Variants in NTN4 observed in about 807,000 individuals in gnomAD.
NTN4 encodes the protein netrin 4.
Under a neutral mutation model 73.6 loss-of-function variants are expected in NTN4, and 32 were observed. The ratio of observed to expected loss-of-function variants is 0.44; its 90% CI spans 0.33 to 0.58. NTN4 has a LOEUF of 0.58. Among genes scored for constraint, NTN4 ranks in the 20% least tolerant of loss-of-function variants. The pLI, the probability that NTN4 is intolerant of heterozygous loss-of-function variation, is 0.04. For missense variants in NTN4, 654 were observed against 798.3 expected (o/e 0.82, Z 2.18); for synonymous variants, 258 against 287.5 (o/e 0.90, Z 1.04).
At chr12:95,735,892 AT>A (rs999701125) in intron 3 of NTN4, among the ~76,000 whole-genome samples, 7 of 148,130 alleles carry the variant, frequency 4.7e-5, no homozygotes, top group African/African-American at 1.5e-4. Context: ...CCTGCTCATG[AT>A]TTTTTTTAAA....
chr12:95,769,751 CTTT>C (rs34093723), intron 2 of NTN4, among the ~76,000 whole-genome samples: 34 of 117,108 alleles, frequency 2.9e-4, no homozygotes, highest in East Asian at 1.7e-3. Context: ...AGGTTTCAAT[CTTT>C]TTTTTTTTTT....
intron 7 of NTN4, among the ~76,000 whole-genome samples, chr12:95,680,091 T>A (rs2078304504): frequency 6.6e-6 from 1 of 152,216 alleles, no homozygotes; most frequent in South Asian, 2.1e-4. Context: ...TTATTCCCTG[T>A]CCCTGCATTA....
chr12:95,719,008 C>A (rs940914409), intron 3 of NTN4, among the ~76,000 whole-genome samples: 3 of 152,146 alleles, frequency 2.0e-5, no homozygotes, highest in Non-Finnish European at 4.4e-5. Flanking sequence ...GAAGGACTTA[C>A]ATTAACTAAA....
chr12:95,706,281 A>G (rs1346619498), intron 5 of NTN4, among the ~76,000 whole-genome samples: 1 of 59,186 alleles, frequency 1.7e-5, no homozygotes, highest in East Asian at 5.1e-4. Flanking sequence ...TTGAACATAG[A>G]ACAGTAACAA....
chr12:95,729,626 AGAGAGAGTGTGTGTGTGTGT>A (rs1299817835), intron 3 of NTN4, among the ~76,000 whole-genome samples: 2 of 122,518 alleles, frequency 1.6e-5, no homozygotes, highest in African/African-American at 3.6e-5. Flanking sequence ...AGAGAGAGAG[AGAGAGAGTGTGTGTGTGTGT>A]GTGTGTGTGT....
rs1427770870 is a variant in NTN4 at position 95,787,134 on chromosome 12, T to C, written c.390A>G (p.Leu130=). 6.2e-7 allele frequency: 1 copy of C among 1,614,136 alleles called. No individual in the cohort carries two copies. Among genetic ancestry groups the C allele is most frequent in the East Asian group, 2.2e-5 (1 of 44,870 alleles). The change falls in exon 2 of 10, where the codon CTA becomes CTG. Residue 130 remains leucine (L), a synonymous_variant. Transcript: ENST00000343702. Reference sequence around the variant, plus strand: ...GCCTGGGGGACTTGAACATCACAATTAGGTGAGTGAAGTAGAATTCAGCTT... The same window carrying C: ...GCCTGGGGGACTTGAACATCACAATCAGGTGAGTGAAGTAGAATTCAGCTT... The part of the protein sequence containing the change: ...DLEAEFYFTH[L]IVMFKSPRPA...
intron 3 of NTN4, among the ~76,000 whole-genome samples, chr12:95,733,722 G>A (rs1379713552): frequency 1.3e-5 from 2 of 152,028 alleles, no homozygotes; most frequent in Admixed American, 1.3e-4. Flanking sequence ...AGACTAAGTG[G>A]AATGGATCTG....
At chr12:95,673,167 G>A in intron 7 of NTN4, 1 of 610,142 alleles carries the variant, frequency 1.6e-6, no homozygotes, top group South Asian at 1.7e-5. Flanking sequence ...CACATCTGTA[G>A]GCATCTTGAG....
At chr12:95,752,009 T>G (rs1317899696) in intron 2 of NTN4, among the ~76,000 whole-genome samples, 1 of 151,346 alleles carries the variant, frequency 6.6e-6, no homozygotes, top group African/African-American at 2.4e-5. Context: ...ATTGCCGCCC[T>G]TCTTCCCAAT....
chr12:95,721,207 T>A (rs1370936755), intron 3 of NTN4, among the ~76,000 whole-genome samples: 1 of 152,206 alleles, frequency 6.6e-6, no homozygotes, highest in East Asian at 1.9e-4. Context: ...CCAAAACTTG[T>A]CCTTTAAGTA....
At chr12:95,774,083 G>A (rs1565916359) in intron 2 of NTN4, among the ~76,000 whole-genome samples, 1 of 151,572 alleles carries the variant, frequency 6.6e-6, no homozygotes, top group East Asian at 1.9e-4. Context: ...ATTATGCAAA[G>A]TGCATACCAC....
intron 7 of NTN4, among the ~76,000 whole-genome samples, chr12:95,679,978 T>TGCTA (rs1456666750): frequency 2.0e-5 from 3 of 152,190 alleles, no homozygotes; most frequent in Non-Finnish European, 2.9e-5. Context: ...CCTGTATAGC[T>TGCTA]AGCCTTCTTA....
chr12:95,734,211 C>A (rs1019041542), intron 3 of NTN4, among the ~76,000 whole-genome samples: 2 of 151,862 alleles, frequency 1.3e-5, no homozygotes, highest in Admixed American at 1.3e-4. Context: ...CAGCCATAAA[C>A]AATTCTAGCC....
chr12:95,774,346 A>G (rs2079077446), intron 2 of NTN4, among the ~76,000 whole-genome samples: 1 of 152,152 alleles, frequency 6.6e-6, no homozygotes. Context: ...TGTCTGTAAA[A>G]CAGAGTTAAT....
chr12:95,692,012 T>C (rs2078405138), intron 5 of NTN4, among the ~76,000 whole-genome samples: 1 of 152,184 alleles, frequency 6.6e-6, no homozygotes, highest in African/African-American at 2.4e-5. Flanking sequence ...AGTTCATCAA[T>C]AATGCATGAG....
chr12:95,661,473 A>G (rs11108179), intron 9 of NTN4, among the ~76,000 whole-genome samples: 4,835 of 152,306 alleles, frequency 0.032, 220 homozygotes, highest in East Asian at 0.24. Context: ...GTAGAATGCT[A>G]CATAATATCA....
chr12:95,682,592 C>T (rs1592661828), intron 7 of NTN4, 115 bp downstream of exon 7: 1 of 613,102 alleles, frequency 1.6e-6, no homozygotes. Flanking sequence ...ACCATGAAAC[C>T]CCAGAACTAA....
chr12:95,699,650 A>T (rs988660039), intron 5 of NTN4, among the ~76,000 whole-genome samples: 1 of 151,500 alleles, frequency 6.6e-6, no homozygotes, highest in African/African-American at 2.4e-5. Context: ...AAAGATCTGG[A>T]TGATATAACC....
chr12:95,761,485 C>A (rs573841878), intron 2 of NTN4, among the ~76,000 whole-genome samples: 5 of 152,082 alleles, frequency 3.3e-5, no homozygotes, highest in African/African-American at 1.2e-4. Context: ...CACTCGTCAC[C>A]ATGCCCAGCT....
Sources: gnomAD v4.1 joint callset for allele counts (sites outside exome capture counted in the v4.1 genomes callset) on GRCh38, gnomAD v4.1.1 for gene constraint, MANE v1.5 for transcripts, NCBI Gene and HGNC (gene_info 2026-07-23, HGNC 2026-07-21) for gene names.